PPP2R5C: variants seen among roughly 807,000 people sequenced by gnomAD.
PPP2R5C encodes the protein serine/threonine-protein phosphatase 2A 56 kDa regulatory subunit gamma isoform.
PPP2R5C carries 7 observed loss-of-function variants against 68.9 expected under a neutral mutation model. The ratio of observed to expected loss-of-function variants is 0.10; its 90% CI spans 0.06 to 0.19. The LOEUF is 0.19. PPP2R5C is among the 10% of genes least tolerant of loss of function. PPP2R5C has a pLI of 1.00. For synonymous variants in PPP2R5C, 210 were observed against 222.2 expected, an observed-to-expected ratio of 0.95 and a Z score of 0.49; for missense variants, 348 against 641.3, an observed-to-expected ratio of 0.54 and a Z score of 4.94.
chr14:101,901,958 G>A (rs760845430), intron 9 of PPP2R5C, 69 bp downstream of exon 11: 87 of 1,518,308 alleles, frequency 5.7e-5, no homozygotes, highest in Admixed American at 2.2e-4. Flanking sequence ...AGTTCCATGC[G>A]TAGCTGGCCA....
At chr14:101,889,540 A>T (rs1466279120) in intron 5 of PPP2R5C, among the ~76,000 whole-genome samples, 2 of 152,194 alleles carry the variant, frequency 1.3e-5, no homozygotes, top group African/African-American at 4.8e-5. Context: ...CTGTCTTTGC[A>T]GTGGCCCCAT....
intron 1 of PPP2R5C, chr14:101,824,505 G>A: frequency 6.0e-6 from 1 of 166,414 alleles, no homozygotes. Flanking sequence ...CAGCATATGT[G>A]CTGTTGCTAA....
At chr14:101,808,986 GAAAATTT>G (rs2039195468), upstream of PPP2R5C, among the ~76,000 whole-genome samples, 1 of 152,170 alleles carries the variant, frequency 6.6e-6, no homozygotes, top group African/African-American at 2.4e-5. Flanking sequence ...TTTGAAGATA[GAAAATTT>G]AGATCTGAAT....
At chr14:101,874,447 A>G (rs1321095527) in intron 2 of PPP2R5C, among the ~76,000 whole-genome samples, 2 of 152,250 alleles carry the variant, frequency 1.3e-5, no homozygotes, top group Non-Finnish European at 2.9e-5. Context: ...TTCAGAATCT[A>G]TACGAAACTA....
chr14:101,762,537 T>A (rs1405020976), intron 1 of PPP2R5C, among the ~76,000 whole-genome samples: 1 of 152,038 alleles, frequency 6.6e-6, no homozygotes, highest in Admixed American at 6.5e-5. Context: ...CTGCTTCAGG[T>A]GGAGCTCTGT....
chr14:101,782,391 G>T (rs370429687), intron 2 of PPP2R5C, among the ~76,000 whole-genome samples: 1,850 of 1,850 alleles, frequency 1, 925 homozygotes, highest in Non-Finnish European at 1. Flanking sequence ...CTCCCCTCTG[G>T]CTCTTTCTCC....
intron 1 of PPP2R5C, among the ~76,000 whole-genome samples, chr14:101,830,015 T>A (rs2040642088): frequency 6.6e-6 from 1 of 152,204 alleles, no homozygotes. Flanking sequence ...TTAGCTTTCC[T>A]GCCTAGTAAG....
At position 101,875,735 on chromosome 14, in the gene PPP2R5C, T is replaced by A. The variant is rs543425536; in HGVS notation, c.295-6426T>A. Among the ~76,000 whole-genome samples the A allele has an allele frequency of 5.9e-5, 9 of 152,324 alleles. No homozygotes were observed. In the South Asian group the frequency reaches 1.9e-3, roughly 32 times the overall value. ...TACGATTTTTACTATTCTACCTAAATTTTAGGTTAAGTTCATTGAGTTCAT... is the reference window on the plus strand; with the variant it reads ...TACGATTTTTACTATTCTACCTAAAATTTAGGTTAAGTTCATTGAGTTCAT... On this transcript the variant is annotated intron_variant, in intron 2 of 13. Coordinates refer to ENST00000334743, the Ensembl canonical transcript of PPP2R5C.
chr14:101,784,951 G>C (rs766191115), intron 2 of PPP2R5C, among the ~76,000 whole-genome samples: 23 of 152,150 alleles, frequency 1.5e-4, no homozygotes, highest in Non-Finnish European at 2.5e-4. Context: ...GAGCTCCTTT[G>C]GCCTCTGTGG....
chr14:101,768,204 C>G (rs756755956), intron 2 of PPP2R5C, among the ~76,000 whole-genome samples: 6 of 152,188 alleles, frequency 3.9e-5, no homozygotes, highest in Non-Finnish European at 8.8e-5. Context: ...CAAATCGCCC[C>G]CTGTTGAGCC....
exon 14 of PPP2R5C, chr14:101,925,473 C>G (rs1244064006): frequency 1.1e-6 from 1 of 895,542 alleles, no homozygotes; most frequent in Non-Finnish European, 1.6e-6. Context: ...GGCAGAGCCG[C>G]GGGTTGACGA....
chr14:101,911,025 C>T (rs532716474), intron 11 of PPP2R5C, among the ~76,000 whole-genome samples: 1 of 152,130 alleles, frequency 6.6e-6, no homozygotes, highest in South Asian at 2.1e-4. Context: ...ATGGTGTGAA[C>T]CTGGGAGGCG....
intron 2 of PPP2R5C, 109 bp from the exon 3 acceptor site, chr14:101,785,909 A>G (rs1472527680): frequency 4.0e-6 from 4 of 1,010,850 alleles, no homozygotes; most frequent in Non-Finnish European, 5.4e-6. Flanking sequence ...CATGGAGTGA[A>G]GGGGAATGCC....
intron 3 of PPP2R5C, among the ~76,000 whole-genome samples, chr14:101,802,585 G>C (rs575537796): frequency 2.0e-5 from 3 of 152,228 alleles, no homozygotes; most frequent in Admixed American, 6.5e-5. Context: ...TCTTGGCTAT[G>C]ATACCAAAAG....
intron 3 of PPP2R5C, among the ~76,000 whole-genome samples, chr14:101,786,546 G>A (rs1411112510): frequency 6.6e-6 from 1 of 152,146 alleles, no homozygotes; most frequent in Non-Finnish European, 1.5e-5. Flanking sequence ...ATTACTCCAA[G>A]TACAGTAATT....
rs890447551 is a variant in PPP2R5C at position 101,879,183 on chromosome 14, C to G, written c.295-2978C>G. ...CCCTCTTGCCCGCCCTCCCCCGGGG[C>G]TTTGAGCAGAACCCAGAGCAGAGGG... On this transcript the variant is annotated intron_variant, in intron 2 of 13. Coordinates refer to ENST00000334743, the Ensembl canonical transcript of PPP2R5C. The surrounding 1 kb of genome is among the most constrained non-coding windows in gnomAD (Gnocchi z 4.2). 1 of 152,302 alleles carries G rather than the reference C, an allele frequency of 6.6e-6. No homozygotes were observed. Among genetic ancestry groups the G allele is most frequent in the African/African-American group, 2.4e-5 (1 of 41,448 alleles). 9.4% of individuals were successfully genotyped at this position (152,302 alleles called of 1,614,324 possible). A position where few individuals can be genotyped will look rare whatever the true frequency, so the allele number is the denominator to read the frequency against.
rs761184020 is a variant in PPP2R5C, at chr14:101,891,420, G to A, written c.689+1124G>A. ...TCTTTTAGTTTAGACAAACTTGGGC[G>A]GGGTTTCTCCCTCAGTGCAGTGCAG... On this transcript the variant is annotated intron_variant, in intron 6 of 13. Transcript: ENST00000334743. The surrounding 1 kb of genome is among the most constrained non-coding windows in gnomAD (Gnocchi z 4.9). 6.6e-5 allele frequency among the ~76,000 whole-genome samples: 10 copies of A among 152,058 alleles called. No individual in the cohort carries two copies. The highest frequency in any genetic ancestry group is 1.9e-4 in the East Asian group (1 of 5,202).
chr14:101,826,882 T>C (rs1595285605), intron 1 of PPP2R5C, among the ~76,000 whole-genome samples: 1 of 152,222 alleles, frequency 6.6e-6, no homozygotes, highest in East Asian at 1.9e-4. Context: ...TGTTTAAGTT[T>C]CTGAAATCCC....
intron 3 of PPP2R5C, among the ~76,000 whole-genome samples, chr14:101,802,343 C>T (rs1206914650): frequency 6.6e-6 from 1 of 152,046 alleles, no homozygotes; most frequent in Non-Finnish European, 1.5e-5. Flanking sequence ...ACCCAGGAGG[C>T]GGAGATTGCA....
Sources: gnomAD v4.1 joint callset for allele counts (sites outside exome capture counted in the v4.1 genomes callset) on GRCh38, gnomAD v4.1.1 for gene constraint, Gnocchi (gnomAD v3.1) non-coding constraint, MANE v1.5 for transcripts, NCBI Gene and HGNC (gene_info 2026-07-23, HGNC 2026-07-21) for gene names.